The following GSK3B variants were observed in gnomAD, a reference collection of about 807,000 sequenced individuals.
GSK3B encodes the protein glycogen synthase kinase-3 beta.
A neutral mutation model predicts 56.4 loss-of-function variants in GSK3B; 15 were observed. The observed-to-expected ratio is 0.27, with a 90% CI of 0.18 to 0.41. The LOEUF is 0.41. Among genes scored for constraint, GSK3B ranks in the 10% least tolerant of loss-of-function variants. GSK3B has a pLI of 1.00. For missense variants in GSK3B, 300 were observed against 513.4 expected, an observed-to-expected ratio of 0.58 and a Z score of 4.02; for synonymous variants, 181 against 188.9, an observed-to-expected ratio of 0.96 and a Z score of 0.34.
chr3:119,961,732 C>T (rs2057274530), intron 2 of GSK3B, among the ~76,000 whole-genome samples: 1 of 151,146 alleles, frequency 6.6e-6, no homozygotes, highest in Non-Finnish European at 1.5e-5. Context: ...CTTACCTCAA[C>T]AAAATAAAAG....
chr3:120,064,682 A>T (rs2058265172), intron 1 of GSK3B, among the ~76,000 whole-genome samples: 1 of 152,164 alleles, frequency 6.6e-6, no homozygotes, highest in South Asian at 2.1e-4. Flanking sequence ...ATGAAATTGT[A>T]AGGGACCCTG....
intron 1 of GSK3B, among the ~76,000 whole-genome samples, chr3:120,076,881 A>AAAAAAC (rs1251434051): frequency 2.6e-5 from 4 of 151,856 alleles, no homozygotes; most frequent in Admixed American, 2.6e-4. Context: ...AAGGTGACCT[A>AAAAAAC]AAAAACGGCC....
Position 120,093,372 on chromosome 3 carries a change from T to C in GSK3B, c.63A>G (p.Ser21=), listed in dbSNP as rs760378387. The change falls in exon 1 of 11, where the codon TCA becomes TCG. Residue 21 remains serine (S), a synonymous_variant. Transcript: ENST00000264235. ...AESCKPVQQP[S]AFGSMKVSRD... ...TGCTAACTTTCATGCTGCCAAAAGC[T>C]GAAGGCTGCTGCACCGGCTTGCAGC... 3 of 1,613,424 alleles carry C rather than the reference T, an allele frequency of 1.9e-6. No individual in the cohort carries two copies. The highest frequency in any genetic ancestry group is 2.7e-5 in the African/African-American group (2 of 74,922).
intron 1 of GSK3B, among the ~76,000 whole-genome samples, chr3:120,086,621 C>T (rs575637569): frequency 6.6e-5 from 10 of 152,138 alleles, no homozygotes; most frequent in Non-Finnish European, 1.0e-4. Context: ...ATGGCGAAAC[C>T]CCCTCTCTAT....
intron 7 of GSK3B, among the ~76,000 whole-genome samples, chr3:119,899,706 G>A (rs1400400278): frequency 6.6e-6 from 1 of 151,966 alleles, no homozygotes; most frequent in Non-Finnish European, 1.5e-5. Context: ...ACAAAAAATT[G>A]AAAGCAACTA....
chr3:119,876,281 CT>C lies in GSK3B; in HGVS notation c.909+131del, dbSNP rs1309262037. On this transcript the variant is annotated intron_variant, in intron 8 of 10. Transcript: ENST00000264235. ...AAGTCAATGAAACACTCAAGTACATCTATACAACTATCTTTACATGCAGAAC... is the reference window on the plus strand; with the variant it reads ...AAGTCAATGAAACACTCAAGTACATCATACAACTATCTTTACATGCAGAAC... 3 of 613,852 alleles carry C rather than the reference CT, an allele frequency of 4.9e-6. No homozygotes were observed. In the African/African-American group the frequency reaches 5.5e-5, roughly 11 times the overall value. 38.0% of individuals were successfully genotyped at this position (613,852 alleles called of 1,614,324 possible).
intron 1 of GSK3B, among the ~76,000 whole-genome samples, chr3:120,075,871 A>T (rs1325137896): frequency 6.6e-6 from 1 of 152,214 alleles, no homozygotes; most frequent in Non-Finnish European, 1.5e-5. Context: ...AGAGTAGAAA[A>T]AGCAATCCTA....
chr3:119,904,548 C>T (rs1418016143), intron 7 of GSK3B, among the ~76,000 whole-genome samples: 2 of 152,108 alleles, frequency 1.3e-5, no homozygotes, highest in Non-Finnish European at 2.9e-5. Flanking sequence ...TCTAGCAAAA[C>T]CACCTTTGAT....
At chr3:119,889,737 C>A (rs1576177379) in intron 7 of GSK3B, among the ~76,000 whole-genome samples, 1 of 152,078 alleles carries the variant, frequency 6.6e-6, no homozygotes, top group Non-Finnish European at 1.5e-5. Flanking sequence ...CTAAGTACTT[C>A]AATTACAAAG....
At chr3:119,870,175 C>T (rs2056234052) in intron 8 of GSK3B, among the ~76,000 whole-genome samples, 1 of 152,126 alleles carries the variant, frequency 6.6e-6, no homozygotes, top group Non-Finnish European at 1.5e-5. Context: ...TTCCCTCCAC[C>T]ATCCTCACTG....
At chr3:120,004,928 G>A (rs2057712298) in intron 1 of GSK3B, among the ~76,000 whole-genome samples, 1 of 152,168 alleles carries the variant, frequency 6.6e-6, no homozygotes, top group Non-Finnish European at 1.5e-5. Context: ...GAATGAGTTT[G>A]ACAAGATGAC....
chr3:119,965,830 C>T (rs2107510327), intron 2 of GSK3B, among the ~76,000 whole-genome samples: 1 of 151,650 alleles, frequency 6.6e-6, no homozygotes, highest in Non-Finnish European at 1.5e-5. Context: ...AAGGCATTAC[C>T]AAGAGTTGGG....
intron 2 of GSK3B, among the ~76,000 whole-genome samples, chr3:119,977,794 T>G (rs761921711): frequency 1.3e-5 from 2 of 152,264 alleles, no homozygotes; most frequent in East Asian, 3.9e-4. Context: ...ATTTGACGTA[T>G]AGCAGTGTGT....
At chr3:120,029,383 AT>A in intron 1 of GSK3B, 1 of 765,452 alleles carries the variant, frequency 1.3e-6, no homozygotes, top group Non-Finnish European at 2.4e-6. Flanking sequence ...ACATTCAGTC[AT>A]TTCTCCTTAT....
At chr3:120,085,777 G>C in intron 1 of GSK3B, among the ~76,000 whole-genome samples, 1 of 151,828 alleles carries the variant, frequency 6.6e-6, no homozygotes, top group Non-Finnish European at 1.5e-5. Context: ...CTGCACCCCA[G>C]CCTGGGCGAC....
At chr3:120,058,759 C>T (rs1052246371) in intron 1 of GSK3B, among the ~76,000 whole-genome samples, 3 of 152,072 alleles carry the variant, frequency 2.0e-5, no homozygotes, top group Non-Finnish European at 4.4e-5. Flanking sequence ...CCTGTAATCC[C>T]AGCACTTTGG....
At chr3:119,888,574 A>G (rs2056466120) in intron 7 of GSK3B, among the ~76,000 whole-genome samples, 5 of 152,136 alleles carry the variant, frequency 3.3e-5, no homozygotes, top group Admixed American at 3.3e-4. Flanking sequence ...AATTGACTGT[A>G]AAGCACGTGT....
intron 1 of GSK3B, among the ~76,000 whole-genome samples, chr3:120,049,729 A>T (rs1421363896): frequency 6.6e-6 from 1 of 152,236 alleles, no homozygotes; most frequent in Non-Finnish European, 1.5e-5. Context: ...ACAGAAGAAT[A>T]GACAAGGCTG....
chr3:119,967,451 T>C (rs1576235686), intron 2 of GSK3B, among the ~76,000 whole-genome samples: 2 of 152,162 alleles, frequency 1.3e-5, no homozygotes, highest in Admixed American at 6.5e-5. Context: ...TGCACTCAGA[T>C]AGTCAAAATA....
Sources: allele counts gnomAD v4.1 joint callset (sites outside exome capture counted in the v4.1 genomes callset), GRCh38; gene constraint gnomAD v4.1.1; transcripts MANE v1.5; gene names NCBI Gene and HGNC (gene_info 2026-07-23, HGNC 2026-07-21).